The following RANBP10 variants were observed in gnomAD, a reference collection of about 807,000 sequenced individuals.
The protein encoded by RANBP10 is ran-binding protein 10.
RANBP10 carries 24 observed loss-of-function variants against 72.8 expected under a neutral mutation model. The ratio of observed to expected loss-of-function variants is 0.33; its 90% CI spans 0.24 to 0.46. The LOEUF is 0.46. Among genes scored for constraint, RANBP10 ranks in the 20% least tolerant of loss-of-function variants. The probability of loss-of-function intolerance (pLI) is 1.00; values close to 1 mark genes in which losing one functional copy is unlikely to be tolerated. For synonymous variants in RANBP10, 310 were observed against 322.3 expected (o/e 0.96, Z 0.41); for missense variants, 679 against 817.5 (o/e 0.83, Z 2.07).
intron 2 of RANBP10, among the ~76,000 whole-genome samples, chr16:67,773,126 T>C (rs2054637470): frequency 2.0e-5 from 3 of 152,188 alleles, no homozygotes; most frequent in Admixed American, 2.0e-4. Context: ...TGGGGCCTGG[T>C]GGCAGGTGTT....
chr16:67,754,549 G>C (rs2054253931), intron 3 of RANBP10, among the ~76,000 whole-genome samples: 2 of 152,194 alleles, frequency 1.3e-5, no homozygotes, highest in African/African-American at 4.8e-5. Context: ...TGCTCCCCAG[G>C]CCTTGAGAAG....
chr16:67,781,992 C>A (rs1233054716), intron 2 of RANBP10, among the ~76,000 whole-genome samples: 1 of 152,158 alleles, frequency 6.6e-6, no homozygotes, highest in African/African-American at 2.4e-5. Context: ...CCCAGCCCTG[C>A]CACCCGAGCT....
Position 67,727,866 on chromosome 16 carries a change from C to T in RANBP10, c.1505G>A (p.Gly502Glu). The part of the protein sequence containing the change: ...DDRHPRRQLC[G>E]GNQAATERII... ...CCTTTCTGTGGCAGCCTGGTTGCCC[C>T]CGCAGAGCTGCCGCCGAGGATGCCT... The change falls in exon 12 of 14, where the codon GGG becomes GAG. Residue 502 changes from glycine to glutamate, a missense_variant. Coordinates refer to ENST00000317506, the MANE Select transcript of RANBP10 (RefSeq NM_020850.3). 1.2e-6 allele frequency: 2 copies of T among 1,614,128 alleles called. No individual in the cohort carries two copies. The highest frequency in any genetic ancestry group is 1.7e-6 in the Non-Finnish European group (2 of 1,180,036).
rs780020479 is a variant in RANBP10, at chr16:67,728,457, G to A, written c.1407C>T (p.Ser469=). Residue 469 remains serine (S), a synonymous_variant, in exon 11 of 14, where the codon AGC becomes AGT. Coordinates refer to ENST00000317506, the MANE Select transcript of RANBP10 (RefSeq NM_020850.3). The stretch of plus-strand genomic sequence containing the variant: ...CACCATTAACAATGCGTGTGGACAT[G>A]CTTCCTAGCACACCGTTGGGGTAGT... The part of the protein sequence containing the change: ...AEHYPNGVLG[S]MSTRIVNGAY... 2 of 1,614,184 alleles carry A rather than the reference G, an allele frequency of 1.2e-6. No homozygotes were observed. Among genetic ancestry groups the A allele is most frequent in the Non-Finnish European group, 1.7e-6 (2 of 1,180,036 alleles).
chr16:67,778,078 G>A (rs746847863), intron 2 of RANBP10, among the ~76,000 whole-genome samples: 3 of 152,190 alleles, frequency 2.0e-5, no homozygotes, highest in Non-Finnish European at 2.9e-5. Context: ...GGCCAGGTGC[G>A]GTGGCTCACG....
chr16:67,791,416 TCGA>T (rs2055025984), intron 2 of RANBP10, among the ~76,000 whole-genome samples: 1 of 152,160 alleles, frequency 6.6e-6, no homozygotes, highest in Non-Finnish European at 1.5e-5. Context: ...CCAATGGGGC[TCGA>T]CGTTTTAAAT....
intron 3 of RANBP10, among the ~76,000 whole-genome samples, chr16:67,767,843 G>A (rs897322544): frequency 1.4e-4 from 22 of 152,142 alleles, no homozygotes; most frequent in East Asian, 1.2e-3. Flanking sequence ...TGATCCACCC[G>A]CCTTGGCCTC....
At chr16:67,746,971 T>A in intron 3 of RANBP10, among the ~76,000 whole-genome samples, 1 of 152,252 alleles carries the variant, frequency 6.6e-6, no homozygotes, top group Non-Finnish European at 1.5e-5. Context: ...TTTTAGCTAT[T>A]ATGAATAAAG....
At chr16:67,795,163 T>C (rs2055106462) in intron 2 of RANBP10, among the ~76,000 whole-genome samples, 1 of 151,306 alleles carries the variant, frequency 6.6e-6, no homozygotes, top group Non-Finnish European at 1.5e-5. Context: ...GGTGGGAGAA[T>C]CTCTTGAGCA....
intron 3 of RANBP10, among the ~76,000 whole-genome samples, chr16:67,767,454 C>CT (rs2054524647): frequency 1.6e-5 from 1 of 64,074 alleles, no homozygotes; most frequent in African/African-American, 4.8e-5. Flanking sequence ...GACCCTGTTT[C>CT]AAAAAAAAAA....
At chr16:67,740,906 G>A (rs1326475826) in intron 4 of RANBP10, among the ~76,000 whole-genome samples, 2 of 152,142 alleles carry the variant, frequency 1.3e-5, no homozygotes, top group Admixed American at 6.5e-5. Flanking sequence ...TCTGTACCCA[G>A]GAGAAGACCC....
intron 2 of RANBP10, 108 bp from the exon 3 acceptor site, chr16:67,772,194 T>G (rs2054620514): frequency 2.5e-6 from 3 of 1,203,354 alleles, no homozygotes; most frequent in Non-Finnish European, 3.5e-6. Context: ...AGAAAAGCAA[T>G]GAATGTAGAG....
At chr16:67,754,400 T>TGG (rs2054251261) in intron 3 of RANBP10, among the ~76,000 whole-genome samples, 1 of 152,224 alleles carries the variant, frequency 6.6e-6, no homozygotes, top group Non-Finnish European at 1.5e-5. Context: ...ATACATACAA[T>TGG]GGTTTTCTGT....
Position 67,723,219 on chromosome 16 carries a change from G to GT in RANBP10, c.*3208dup, listed in dbSNP as rs1197372405. 6.6e-6 allele frequency: 1 copy of GT among 152,598 alleles called. No homozygotes were observed. The allele number at this position is 152,598 out of a possible 1,614,324, so 9.5% of individuals were successfully genotyped here. On this transcript the variant is annotated 3_prime_UTR_variant, in exon 14 of 14. Transcript: ENST00000317506. The stretch of plus-strand genomic sequence containing the variant: ...CCCACAAGTTTCATGCTAATGCCAA[G>GT]TATCAACTCTTGAGGACAAAGGCAA...
chr16:67,774,444 A>G (rs2054660807), intron 2 of RANBP10, among the ~76,000 whole-genome samples: 1 of 152,244 alleles, frequency 6.6e-6, no homozygotes, highest in Admixed American at 6.5e-5. Flanking sequence ...GCCTCCCCAC[A>G]GGAGACGCCT....
intron 2 of RANBP10, among the ~76,000 whole-genome samples, chr16:67,785,748 C>CAAAAAAA (rs2054905340): frequency 1.0e-5 from 1 of 99,002 alleles, no homozygotes; most frequent in Non-Finnish European, 1.9e-5. Flanking sequence ...AAAAAAAAAG[C>CAAAAAAA]CAGGCACAGT....
At chr16:67,792,989 G>C (rs2055056919) in intron 2 of RANBP10, among the ~76,000 whole-genome samples, 1 of 151,964 alleles carries the variant, frequency 6.6e-6, no homozygotes, top group African/African-American at 2.4e-5. Flanking sequence ...CCTTGGTTCT[G>C]AGCTCCTTCT....
chr16:67,757,280 G>A (rs1317643798), intron 3 of RANBP10, among the ~76,000 whole-genome samples: 1 of 152,168 alleles, frequency 6.6e-6, no homozygotes, highest in African/African-American at 2.4e-5. Context: ...CAAAGGGAGC[G>A]GGTAGGGGTG....
At position 67,727,702 on chromosome 16, in the gene RANBP10, C is replaced by G. The variant is rs369020629; in HGVS notation, c.1620+49G>C. The G allele has an allele frequency of 4.3e-6, 7 of 1,612,502 alleles. No individual in the cohort carries two copies. In the African/African-American group the frequency reaches 9.3e-5, roughly 22 times the overall value. ...GGACTCTCCCAGAGCCACCCTGCCC[C>G]CAACACCAAATGGGGCCTGCTCTGC... On this transcript the variant is annotated intron_variant, in intron 12 of 13. Coordinates refer to ENST00000317506, the MANE Select transcript of RANBP10 (RefSeq NM_020850.3).
Sources: allele counts gnomAD v4.1 joint callset (sites outside exome capture counted in the v4.1 genomes callset), GRCh38; gene constraint gnomAD v4.1.1; transcripts MANE v1.5; gene names NCBI Gene and HGNC (gene_info 2026-07-23, HGNC 2026-07-21).